Variants in AKAP4 observed in about 807,000 individuals in gnomAD.
AKAP4 encodes the protein A-kinase anchoring protein 4, also known as A-kinase anchor protein 4.
Under a neutral mutation model 42.6 loss-of-function variants are expected in AKAP4, and 4 were observed. The observed-to-expected ratio is 0.09, with a 90% CI of 0.05 to 0.22. AKAP4 has a LOEUF of 0.22. Among genes scored for constraint, AKAP4 ranks in the 10% least tolerant of loss-of-function variants. The pLI, the probability that AKAP4 is intolerant of heterozygous loss-of-function variation, is 1.00. For synonymous variants in AKAP4, 223 were observed against 233.0 expected (o/e 0.96, Z 0.39); for missense variants, 551 against 630.7 (o/e 0.87, Z 1.35).
chrX:50,200,846 A>C lies in AKAP4; in HGVS notation c.27+17T>G. The C allele has an allele frequency of 8.3e-7, 1 of 1,203,356 alleles. No individual in the cohort carries two copies. Among genetic ancestry groups the C allele is most frequent in the Non-Finnish European group, 1.1e-6 (1 of 888,711 alleles). On this transcript the variant is annotated intron_variant, in intron 1 of 5. Transcript: ENST00000358526. ...GATGCCCCCTTAGCTAGTCAAAAAGAAGTCAGATGTCCCTACCATTGTAGT... is the reference window on the plus strand; with the variant it reads ...GATGCCCCCTTAGCTAGTCAAAAAGCAGTCAGATGTCCCTACCATTGTAGT...
chrX:50,200,532 G>A (rs1244171560), intron 1 of AKAP4, among the ~76,000 whole-genome samples: 1 of 112,117 alleles, frequency 8.9e-6, no homozygotes, highest in Non-Finnish European at 1.9e-5. Context: ...CCTGTGGTGC[G>A]ACAAACTTTT....
rs781873017 is a variant in AKAP4, at chrX:50,190,782, AT to A, written c.*177del. 4.3e-3 allele frequency: 1,773 copies of A among 415,187 alleles called. 7 individuals carry two copies. Among genetic ancestry groups the A allele is most frequent in the South Asian group, 0.012 (188 of 15,832 alleles). The allele number at this position is 415,187 out of a possible 1,213,427, so 34.2% of individuals were successfully genotyped here. ...AAAAAACAATGACACATTTATTATT[AT>A]TTTTTTTTATTTTATTTCCCAGTTT... On this transcript the variant is annotated 3_prime_UTR_variant, in exon 6 of 6. Transcript: ENST00000358526.
chrX:50,198,102 G>A (rs1382419917), intron 2 of AKAP4, among the ~76,000 whole-genome samples: 1 of 111,339 alleles, frequency 9.0e-6, no homozygotes, highest in Non-Finnish European at 1.9e-5. Context: ...TTGTGCATTA[G>A]GGAGAATACA....
In AKAP4 at chrX:50,193,008, C is replaced by T. The variant is rs1319968066; in HGVS notation, c.1705G>A (p.Asp569Asn). 3 of 1,210,100 alleles carry T rather than the reference C, an allele frequency of 2.5e-6. No individual in the cohort carries two copies. Among genetic ancestry groups the T allele is most frequent in the Non-Finnish European group, 3.4e-6 (3 of 895,247 alleles). ...QTKGKDTCEE[D>N]CPGSTMGYMA... Reference sequence around the variant, plus strand: ...TAGCCCATGGTGGAACCAGGACAGTCTTCTTCACATGTATCTTTGCCCTTA... The same window carrying T: ...TAGCCCATGGTGGAACCAGGACAGTTTTCTTCACATGTATCTTTGCCCTTA... The change falls in exon 5 of 6, where the codon GAC becomes AAC. Residue 569 changes from aspartate to asparagine, a missense_variant. Transcript: ENST00000358526.
In AKAP4 at chrX:50,192,474, T is replaced by C. The variant is rs1935125090; in HGVS notation, c.2239A>G (p.Met747Val). 1.7e-6 allele frequency: 2 copies of C among 1,208,871 alleles called. No homozygotes were observed. The highest frequency in any genetic ancestry group is 1.8e-5 in the South Asian group (1 of 56,474). ...AGAGAGTCTTGATAGTTCTGTGGCATTGCACCACTGTGAATGCATCTGGTG... is the reference window on the plus strand; with the variant it reads ...AGAGAGTCTTGATAGTTCTGTGGCACTGCACCACTGTGAATGCATCTGGTG... ...RGTRCIHSGA[M>V]PQNYQDSLGH... The change falls in exon 5 of 6, where the codon ATG becomes GTG. Residue 747 changes from methionine (M) to valine (V), a missense_variant. By Grantham distance (21) the Met-to-Val change is conservative. Transcript: ENST00000358526.
At chrX:50,199,037 A>C (rs1935227478) in intron 1 of AKAP4, among the ~76,000 whole-genome samples, 1 of 111,401 alleles carries the variant, frequency 9.0e-6, no homozygotes, top group South Asian at 3.8e-4. Flanking sequence ...AATCAAATTT[A>C]AAAGGAAATC....
chrX:50,194,885 C>A (rs1557204200), intron 4 of AKAP4, among the ~76,000 whole-genome samples: 1 of 111,524 alleles, frequency 9.0e-6, no homozygotes, highest in African/African-American at 3.3e-5. Context: ...GACATCATTA[C>A]CTATTGTATA....
chrX:50,193,912 C>T lies in AKAP4; in HGVS notation c.801G>A (p.Ala267=), dbSNP rs781956674. ...AGGCCATTTCAGAAGCAATCTTGCTCGCAGGAGTTCGGGGACTGATTCTCT... is the reference window on the plus strand; with the variant it reads ...AGGCCATTTCAGAAGCAATCTTGCTTGCAGGAGTTCGGGGACTGATTCTCT... ...NKERISPRTP[A]SKIASEMAYE... The change falls in exon 5 of 6, where the codon GCG becomes GCA. Residue 267 remains alanine, a synonymous_variant. Coordinates refer to ENST00000358526, the MANE Select transcript of AKAP4 (RefSeq NM_003886.3). 2 of 1,211,644 alleles carry T rather than the reference C, an allele frequency of 1.7e-6. No homozygotes were observed. The highest frequency in any genetic ancestry group is 2.2e-6 in the Non-Finnish European group (2 of 895,508).
chrX:50,198,314 C>T (rs1398793468), intron 2 of AKAP4, among the ~76,000 whole-genome samples: 1 of 110,893 alleles, frequency 9.0e-6, no homozygotes, highest in Non-Finnish European at 1.9e-5. Flanking sequence ...GCATTTTGCC[C>T]TCCTGAGGGG....
In AKAP4 at chrX:50,192,868, C is replaced by A. The variant is rs1935131242; in HGVS notation, c.1845G>T (p.Glu615Asp). The A allele has an allele frequency of 8.3e-7, 1 of 1,211,869 alleles. No individual in the cohort carries two copies. Among genetic ancestry groups the A allele is most frequent in the Non-Finnish European group, 1.1e-6 (1 of 895,519 alleles). ...TTTTCTGGGAGTCCAGGTGTTGGTT[C>A]TCCTTTTGACAGGTGGATGGTCCAG... Reference protein sequence around the residue: ...RAPGPSTCQKENQHLDSQKMD... With the variant: ...RAPGPSTCQKDNQHLDSQKMD... Residue 615 changes from glutamate to aspartate, a missense_variant, in exon 5 of 6, where the codon GAG (glutamate) becomes GAT (aspartate). Coordinates refer to ENST00000358526, the MANE Select transcript of AKAP4 (RefSeq NM_003886.3).
rs200939746 is a variant in AKAP4 at position 50,192,688 on chromosome X, T to A, written c.2025A>T (p.Glu675Asp). 21 of 1,210,432 alleles carry A rather than the reference T, an allele frequency of 1.7e-5. No individual in the cohort carries two copies. The African/African-American group carries it at 3.0e-4, about 17-fold the overall frequency. The change falls in exon 5 of 6, where the codon GAA becomes GAT. Residue 675 changes from glutamate to aspartate, a missense_variant. By Grantham distance (45) the Glu-to-Asp change is conservative. Coordinates refer to ENST00000358526, the MANE Select transcript of AKAP4 (RefSeq NM_003886.3). Reference protein sequence around the residue: ...SMSNRSDKAEEQCQEHQELDC... With the variant: ...SMSNRSDKAEDQCQEHQELDC... ...CAAGTTCTTGATGCTCCTGGCATTG[T>A]TCTTCCGCTTTGTCAGATCTGTTGG... is the stretch of plus-strand genomic sequence containing the variant.
At chrX:50,200,088 T>C in intron 1 of AKAP4, 1 of 326,357 alleles carries the variant, frequency 3.1e-6, no homozygotes, top group Non-Finnish European at 4.0e-6. Flanking sequence ...GAAGAGGGAG[T>C]TTCTTTTTTT....
Position 50,194,068 on chromosome X carries a change from A to T in AKAP4, c.645T>A (p.Asp215Glu), listed in dbSNP as rs1279297748. The change falls in exon 5 of 6, where the codon GAT becomes GAA. Residue 215 changes from aspartate (D) to glutamate (E), a missense_variant. Transcript: ENST00000358526. ...VISPDGECSI[D>E]DLSFYVNRLS... ...GTCGGTTGACGTAGAAGGAAAGGTCATCTATAGAACATTCTCCATCAGGGG... is the reference window on the plus strand; with the variant it reads ...GTCGGTTGACGTAGAAGGAAAGGTCTTCTATAGAACATTCTCCATCAGGGG... The T allele has an allele frequency of 3.3e-6, 4 of 1,209,953 alleles. No homozygotes were observed. Among genetic ancestry groups the T allele is most frequent in the Non-Finnish European group, 4.5e-6 (4 of 895,114 alleles).
chrX:50,196,615 A>C (rs1935194740), intron 4 of AKAP4, among the ~76,000 whole-genome samples: 1 of 111,672 alleles, frequency 9.0e-6, no homozygotes, highest in African/African-American at 3.3e-5. Context: ...GCCAGCGAAG[A>C]ACATTACAAA....
chrX:50,196,116 C>G (rs1258328057), intron 4 of AKAP4, among the ~76,000 whole-genome samples: 2 of 111,985 alleles, frequency 1.8e-5, no homozygotes, highest in Non-Finnish European at 3.8e-5. Flanking sequence ...GTTGGCCATA[C>G]CCAAGTAAAC....
rs1480721983 is a variant in AKAP4 at position 50,194,424 on chromosome X, C to G, written c.289G>C (p.Val97Leu). The change falls in exon 5 of 6, where the codon GTA becomes CTA. Residue 97 changes from valine to leucine, a missense_variant. Physicochemically the swap from Val to Leu is conservative, Grantham distance 32. Transcript: ENST00000358526. ...GAGGGAGCTTGTTTGAAAAGGCATA[C>G]AGATCCCTCTGTCTAAAAAAAGAAG... ...KKDQSKTEGSVCLFKQAPSDP... is the reference protein window; with the variant it reads ...KKDQSKTEGSLCLFKQAPSDP... The G allele has an allele frequency of 5.0e-6, 6 of 1,195,867 alleles. No individual in the cohort carries two copies. The highest frequency in any genetic ancestry group is 6.7e-6 in the Non-Finnish European group (6 of 889,535).
chrX:50,198,550 G>A, intron 2 of AKAP4, 107 bp downstream of exon 2: 2 of 533,126 alleles, frequency 3.8e-6, no homozygotes, highest in African/African-American at 2.3e-5. Context: ...TTGGTTGCTT[G>A]GAGAAGTCAG....
chrX:50,197,089 CTTCTT>C, intron 3 of AKAP4, 97 bp from the exon 4 acceptor site: 1 of 587,958 alleles, frequency 1.7e-6, no homozygotes, highest in Non-Finnish European at 2.8e-6. Context: ...AATGTTATGA[CTTCTT>C]TTATCTTTTT....
Position 50,194,382 on chromosome X carries a change from G to A in AKAP4, c.331C>T (p.Leu111Phe). 1 of 1,209,184 alleles carries A rather than the reference G, an allele frequency of 8.3e-7. No individual in the cohort carries two copies. Among genetic ancestry groups the A allele is most frequent in the Non-Finnish European group, 1.1e-6 (1 of 894,859 alleles). The change falls in exon 5 of 6, where the codon CTC becomes TTC. Residue 111 changes from leucine (L) to phenylalanine (F), a missense_variant. By Grantham distance (22) the Leu-to-Phe change is conservative (BLOSUM62 0). Coordinates refer to ENST00000358526, the MANE Select transcript of AKAP4 (RefSeq NM_003886.3). Reference sequence around the variant, plus strand: ...TGGAGATCACTGAGAAGCCAGTTGAGGACACTTACAGGATCAGAGGGAGCT... The same window carrying A: ...TGGAGATCACTGAGAAGCCAGTTGAAGACACTTACAGGATCAGAGGGAGCT... ...KQAPSDPVSV[L>F]NWLLSDLQKY...
Sources: allele counts gnomAD v4.1 joint callset (sites outside exome capture counted in the v4.1 genomes callset), GRCh38; gene constraint gnomAD v4.1.1; transcripts MANE v1.5; gene names NCBI Gene and HGNC (gene_info 2026-07-23, HGNC 2026-07-21).